SKAP1: variants seen among roughly 807,000 people sequenced by gnomAD.
SKAP1 encodes the protein src kinase associated phosphoprotein 1.
In SKAP1, 44 loss-of-function variants were observed where a neutral mutation model predicts 58.5. That is an observed-to-expected ratio of 0.75 (90% CI 0.59 to 0.97). The LOEUF is 0.97. Ranked by LOEUF, SKAP1 falls within the 50% of genes least tolerant of loss-of-function variation. The pLI is 0.00. For missense variants in SKAP1, 390 were observed against 435.2 expected (o/e 0.90, Z 0.92); for synonymous variants, 127 against 149.7 (o/e 0.85, Z 1.11).
At chr17:48,266,347 C>T (rs895790345) in intron 4 of SKAP1, among the ~76,000 whole-genome samples, 2 of 152,230 alleles carry the variant, frequency 1.3e-5, no homozygotes, top group South Asian at 4.2e-4. Flanking sequence ...ACAGTTTCCA[C>T]CTATCAGAAC....
At chr17:48,358,955 G>A (rs2066906497) in intron 3 of SKAP1, among the ~76,000 whole-genome samples, 1 of 152,064 alleles carries the variant, frequency 6.6e-6, no homozygotes, top group African/African-American at 2.4e-5. Context: ...TCAAAGCTTA[G>A]GCTCTTTCTA....
intron 3 of SKAP1, among the ~76,000 whole-genome samples, chr17:48,348,334 CT>C (rs76093842): frequency 1.4e-5 from 2 of 141,610 alleles, no homozygotes; most frequent in East Asian, 2.1e-4. Flanking sequence ...AGAGTGAGCC[CT>C]GCCTCAAAAA....
chr17:48,383,465 A>G (rs1253750044), intron 2 of SKAP1, among the ~76,000 whole-genome samples: 1 of 152,188 alleles, frequency 6.6e-6, no homozygotes, highest in Non-Finnish European at 1.5e-5. Context: ...AATTTTAGAA[A>G]AATAATCACA....
chr17:48,368,565 T>C (rs1010725340), intron 2 of SKAP1, among the ~76,000 whole-genome samples: 1 of 152,228 alleles, frequency 6.6e-6, no homozygotes, highest in South Asian at 2.1e-4. Flanking sequence ...TTTAATCTTC[T>C]CTTTGAAGCT....
chr17:48,319,719 G>A (rs988973261), intron 4 of SKAP1, among the ~76,000 whole-genome samples: 5 of 152,160 alleles, frequency 3.3e-5, no homozygotes, highest in African/African-American at 4.8e-5. Context: ...GTATGGGCCT[G>A]TAGTCCCTGC....
chr17:48,432,529 A>G (rs1467921771), upstream of SKAP1, among the ~76,000 whole-genome samples: 1 of 152,148 alleles, frequency 6.6e-6, no homozygotes, highest in Admixed American at 6.5e-5. Flanking sequence ...ATTTTTACCA[A>G]CTTCACCACT....
intron 2 of SKAP1, among the ~76,000 whole-genome samples, chr17:48,392,875 A>AT (rs199698069): frequency 1.4e-4 from 20 of 147,816 alleles, no homozygotes; most frequent in African/African-American, 3.3e-4. Context: ...ATATATATAT[A>AT]TATTTTTTTT....
At chr17:48,205,090 C>CTCTCTCTCTCTCTCTTTCTTTCTTTCCT (rs2143639269) in intron 4 of SKAP1, among the ~76,000 whole-genome samples, 1 of 25,502 alleles carries the variant, frequency 3.9e-5, no homozygotes, top group Admixed American at 2.9e-4. Flanking sequence ...TTCTTTCCTT[C>CTCTCTCTCTCTCTCTTTCTTTCTTTCCT]TCTCTCTCTC....
At chr17:48,332,493 A>G (rs1271884901) in intron 4 of SKAP1, among the ~76,000 whole-genome samples, 3 of 152,030 alleles carry the variant, frequency 2.0e-5, no homozygotes, top group Admixed American at 6.5e-5. Flanking sequence ...TCATTTTAAA[A>G]GGATAGTAAA....
chr17:48,185,555 G>C (rs1308859443), intron 6 of SKAP1, among the ~76,000 whole-genome samples: 1 of 152,140 alleles, frequency 6.6e-6, no homozygotes, highest in Non-Finnish European at 1.5e-5. Flanking sequence ...TGACTCTCAA[G>C]AATTTTGTAT....
chr17:48,296,451 T>G, intron 4 of SKAP1, among the ~76,000 whole-genome samples: 1 of 152,192 alleles, frequency 6.6e-6, no homozygotes, highest in South Asian at 2.1e-4. Context: ...ACTTTCAAAG[T>G]CCTAAAACAA....
chr17:48,258,044 C>T (rs2065445681), intron 4 of SKAP1, among the ~76,000 whole-genome samples: 1 of 152,004 alleles, frequency 6.6e-6, no homozygotes, highest in African/African-American at 2.4e-5. Context: ...CAGCAAAAAG[C>T]TCGCATCATG....
intron 4 of SKAP1, among the ~76,000 whole-genome samples, chr17:48,292,810 A>T (rs2065914543): frequency 6.6e-6 from 1 of 152,210 alleles, no homozygotes; most frequent in Non-Finnish European, 1.5e-5. Flanking sequence ...ACAATTACTG[A>T]TACTGCAACT....
chr17:48,421,001 C>G (rs541746269), intron 1 of SKAP1, among the ~76,000 whole-genome samples: 3 of 152,164 alleles, frequency 2.0e-5, no homozygotes, highest in Non-Finnish European at 4.4e-5. Flanking sequence ...CCAGGACAGA[C>G]AGCATGCATA....
At chr17:48,244,665 A>G (rs2044985) in intron 4 of SKAP1, among the ~76,000 whole-genome samples, 149,516 of 152,348 alleles carry the variant, frequency 0.98, 73,384 homozygotes, top group East Asian at 1. Context: ...CACAGTTATA[A>G]TATTCCAAAG....
At chr17:48,166,739 T>C (rs2064146093) in intron 10 of SKAP1, among the ~76,000 whole-genome samples, 1 of 152,134 alleles carries the variant, frequency 6.6e-6, no homozygotes, top group African/African-American at 2.4e-5. Context: ...TACGAGAGGA[T>C]GGGATGGTAA....
chr17:48,211,627 T>G (rs1185913135), intron 4 of SKAP1, among the ~76,000 whole-genome samples: 3 of 152,224 alleles, frequency 2.0e-5, no homozygotes, highest in Non-Finnish European at 4.4e-5. Context: ...ATGTAGATCA[T>G]AAGCATGTAA....
chr17:48,412,751 T>C (rs1269790178), intron 1 of SKAP1, among the ~76,000 whole-genome samples: 1 of 152,248 alleles, frequency 6.6e-6, no homozygotes, highest in Non-Finnish European at 1.5e-5. Flanking sequence ...TAATTATAGT[T>C]GTGCATACTA....
chr17:48,226,093 C>T (rs1679507672), intron 4 of SKAP1, among the ~76,000 whole-genome samples: 1 of 152,140 alleles, frequency 6.6e-6, no homozygotes, highest in Non-Finnish European at 1.5e-5. Context: ...AATGGCTAGG[C>T]TTATTAGTAA....
Sources: allele counts gnomAD v4.1 joint callset (sites outside exome capture counted in the v4.1 genomes callset), GRCh38; gene constraint gnomAD v4.1.1; transcripts MANE v1.5; gene names NCBI Gene and HGNC (gene_info 2026-07-23, HGNC 2026-07-21).